The following TMEM164 variants were observed in gnomAD, a reference collection of about 807,000 sequenced individuals.
The protein encoded by TMEM164 is transmembrane protein 164.
Under a neutral mutation model 18.8 loss-of-function variants are expected in TMEM164, and 4 were observed. That is an observed-to-expected ratio of 0.21 (90% CI 0.10 to 0.49). TMEM164 has a LOEUF of 0.49. Among genes scored for constraint, TMEM164 ranks in the 20% least tolerant of loss-of-function variants. The pLI, the probability that TMEM164 is intolerant of heterozygous loss-of-function variation, is 0.98. For missense variants in TMEM164, 108 were observed against 239.9 expected (o/e 0.45, Z 3.63); for synonymous variants, 86 against 101.7 (o/e 0.85, Z 0.93).
In TMEM164 at chrX:110,003,584, A is replaced by G; in HGVS notation, c.-191A>G. 1 of 438,287 alleles carries G rather than the reference A, an allele frequency of 2.3e-6. No individual in the cohort carries two copies. Among genetic ancestry groups the G allele is most frequent in the Non-Finnish European group, 3.7e-6 (1 of 270,645 alleles). The allele number at this position is 438,287 out of a possible 1,213,427, so 36.1% of individuals were successfully genotyped here. ...GGCTCCCCCAGACAGCCGTGGGGAC[A>G]AGTTAGAGCCAGCACTTTACCCCGG... is the stretch of plus-strand genomic sequence containing the variant. On this transcript the variant is annotated 5_prime_UTR_variant, in exon 2 of 7. Coordinates refer to ENST00000372068, the MANE Select transcript of TMEM164 (RefSeq NM_032227.4).
chrX:110,078,005 T>G (rs1307570598), intron 3 of TMEM164, among the ~76,000 whole-genome samples: 2 of 112,241 alleles, frequency 1.8e-5, no homozygotes, highest in African/African-American at 6.5e-5. Context: ...TTGTCTTCTC[T>G]AACAAGATTG....
chrX:110,057,277 T>G (rs1198384098), intron 2 of TMEM164, among the ~76,000 whole-genome samples: 1 of 112,092 alleles, frequency 8.9e-6, no homozygotes, highest in Non-Finnish European at 1.9e-5. Flanking sequence ...ATAAGATATT[T>G]TTCTTTCTGG....
rs917322832 is a variant in TMEM164 at position 110,175,588 on chromosome X, G to C, written c.*2137G>C. 5 of 254,922 alleles carry C rather than the reference G, an allele frequency of 2.0e-5. No individual in the cohort carries two copies. The highest frequency in any genetic ancestry group is 2.7e-5 in the Non-Finnish European group (5 of 183,571). 21.0% of individuals were successfully genotyped at this position (254,922 alleles called of 1,213,427 possible). A position where few individuals can be genotyped will look rare whatever the true frequency, so the allele number is the denominator to read the frequency against. On this transcript the variant is annotated 3_prime_UTR_variant, in exon 7 of 7. Transcript: ENST00000372068. ...ACCCCATTCTGGAGGGCACTTTCTGGTGCTTGGAAGGAGAGAAGAAAGCAA... is the reference window on the plus strand; with the variant it reads ...ACCCCATTCTGGAGGGCACTTTCTGCTGCTTGGAAGGAGAGAAGAAAGCAA...
intron 3 of TMEM164, among the ~76,000 whole-genome samples, chrX:110,105,198 A>G (rs1261207256): frequency 9.8e-6 from 1 of 101,804 alleles, no homozygotes; most frequent in African/African-American, 3.7e-5. Flanking sequence ...CCATCCATCC[A>G]TCCATCCATC....
chrX:110,016,100 C>G (rs1933351946), intron 2 of TMEM164, among the ~76,000 whole-genome samples: 1 of 112,777 alleles, frequency 8.9e-6, no homozygotes, highest in Non-Finnish European at 1.9e-5. Context: ...TTGGCCATAT[C>G]TCACAGCCAG....
chrX:110,161,302 C>T lies in TMEM164; in HGVS notation c.587-10118C>T, dbSNP rs981397166. Among the ~76,000 whole-genome samples, 7 of 111,886 alleles carry T rather than the reference C, an allele frequency of 6.3e-5. 1 individual carries two copies. In the East Asian group the frequency reaches 2.0e-3, roughly 31 times the overall value. On this transcript the variant is annotated intron_variant, in intron 5 of 6. Coordinates refer to ENST00000372068, the MANE Select transcript of TMEM164 (RefSeq NM_032227.4). ...CTCCTCCATACCATTGAGCCCATTG[C>T]CCCTCCCATCTAGCTAGTGTTAGGA...
At chrX:110,142,640 GTGAGTTTTTGT>G (rs2066786284) in intron 4 of TMEM164, among the ~76,000 whole-genome samples, 1 of 113,171 alleles carries the variant, frequency 8.8e-6, no homozygotes, top group Non-Finnish European at 1.9e-5. Flanking sequence ...GAAGTACGAT[GTGAGTTTTTGT>G]TATATTTTAA....
Position 110,173,435 on chromosome X carries a change from C to G in TMEM164, c.878C>G (p.Ala293Gly). Residue 293 changes from alanine (A) to glycine (G), a missense_variant, in exon 7 of 7, where the codon GCC (alanine) becomes GGC (glycine). Physicochemically the swap from Ala to Gly is moderately conservative, Grantham distance 60. Transcript: ENST00000372068. ...KYLLDLLRLP[A>G]KKID ...CTGCTGGATTTGCTCCGGCTTCCAG[C>G]CAAGAAAATAGACTGAAGGTGCTTA... 8.3e-7 allele frequency: 1 copy of G among 1,206,813 alleles called. No homozygotes were observed. Among genetic ancestry groups the G allele is most frequent in the Admixed American group, 2.2e-5 (1 of 45,152 alleles).
intron 3 of TMEM164, among the ~76,000 whole-genome samples, chrX:110,089,763 C>T (rs1253680999): frequency 8.9e-6 from 1 of 111,787 alleles, no homozygotes; most frequent in African/African-American, 3.3e-5. Context: ...GCTCTGTGAT[C>T]CTGAGCATAG....
intron 2 of TMEM164, among the ~76,000 whole-genome samples, chrX:110,011,324 C>CT (rs963062142): frequency 6.4e-5 from 7 of 110,222 alleles, no homozygotes; most frequent in African/African-American, 9.9e-5. Flanking sequence ...GGACAGGGGT[C>CT]TTTTTTTTTC....
chrX:110,144,809 A>G lies in TMEM164; in HGVS notation c.519A>G (p.Glu173=), dbSNP rs943897706. The change falls in exon 5 of 7, where the codon GAA becomes GAG. Residue 173 remains glutamate (E), a synonymous_variant. Transcript: ENST00000372068. The stretch of plus-strand genomic sequence containing the variant: ...TCCTATCCTCACAGCTCCCCTTTGA[A>G]TTGGAGATTTACTACATTCAGCATG... ...PVVNTRLLPF[E]LEIYYIQHVM... 8.3e-7 allele frequency: 1 copy of G among 1,204,818 alleles called. No homozygotes were observed. The highest frequency in any genetic ancestry group is 1.8e-5 in the African/African-American group (1 of 56,853).
intron 4 of TMEM164, among the ~76,000 whole-genome samples, chrX:110,142,880 G>A (rs1425241568): frequency 2.7e-5 from 3 of 112,640 alleles, no homozygotes; most frequent in Non-Finnish European, 3.8e-5. Flanking sequence ...TGCTTTCTAG[G>A]AGAGCTGGGA....
At chrX:110,058,513 G>A (rs1935954363) in intron 2 of TMEM164, among the ~76,000 whole-genome samples, 1 of 107,525 alleles carries the variant, frequency 9.3e-6, no homozygotes, top group Non-Finnish European at 1.9e-5. Context: ...AGTCTTAAGA[G>A]CTATTTATTC....
At chrX:110,063,079 G>A (rs985228089) in intron 2 of TMEM164, among the ~76,000 whole-genome samples, 1 of 111,496 alleles carries the variant, frequency 9.0e-6, no homozygotes, top group Non-Finnish European at 1.9e-5. Context: ...TGGCCTCAGC[G>A]ATCCCCAGAT....
At chrX:110,005,922 A>G (rs1932678684) in intron 2 of TMEM164, among the ~76,000 whole-genome samples, 1 of 111,580 alleles carries the variant, frequency 9.0e-6, no homozygotes, top group Non-Finnish European at 1.9e-5. Flanking sequence ...AAAGGACTAA[A>G]TTCAGCCTGA....
At chrX:110,070,435 C>T (rs1309854603) in intron 3 of TMEM164, among the ~76,000 whole-genome samples, 1 of 111,915 alleles carries the variant, frequency 8.9e-6, no homozygotes, top group Non-Finnish European at 1.9e-5. Flanking sequence ...ATTAGAATTG[C>T]CTTAAGTATA....
intron 5 of TMEM164, among the ~76,000 whole-genome samples, chrX:110,160,185 T>G (rs1569356455): frequency 8.9e-6 from 1 of 112,055 alleles, no homozygotes; most frequent in Non-Finnish European, 1.9e-5. Context: ...GGTTCACAAA[T>G]AGGATCTTAA....
intron 4 of TMEM164, among the ~76,000 whole-genome samples, chrX:110,127,439 G>A (rs2066550203): frequency 9.0e-6 from 1 of 111,644 alleles, no homozygotes; most frequent in Non-Finnish European, 1.9e-5. Flanking sequence ...CTTGAACCTG[G>A]GAGGCGGAGG....
intron 3 of TMEM164, among the ~76,000 whole-genome samples, chrX:110,096,798 A>G (rs1351600210): frequency 2.7e-5 from 3 of 111,653 alleles, no homozygotes; most frequent in African/African-American, 9.8e-5. Context: ...AGCTGTTCCT[A>G]TTCAGCCATC....
Sources: allele counts gnomAD v4.1 joint callset (sites outside exome capture counted in the v4.1 genomes callset), GRCh38; gene constraint gnomAD v4.1.1; transcripts MANE v1.5; gene names NCBI Gene and HGNC (gene_info 2026-07-23, HGNC 2026-07-21).